Variants in CABP4 observed in about 807,000 individuals in gnomAD.
CABP4 encodes the protein calcium-binding protein 4.
In CABP4, 30 loss-of-function variants were observed where a neutral mutation model predicts 30.7. The observed-to-expected ratio is 0.98, with a 90% CI of 0.73 to 1.33. The LOEUF is 1.33. Ranked by LOEUF, CABP4 falls within the 40% of genes most tolerant of loss-of-function variation. The probability of loss-of-function intolerance (pLI) is 0.00; values close to 1 mark genes in which losing one functional copy is unlikely to be tolerated. For synonymous variants in CABP4, 161 were observed against 159.2 expected (o/e 1.01, Z -0.08); for missense variants, 424 against 395.5 (o/e 1.07, Z -0.61).
rs1232962361 is a variant in CABP4, at chr11:67,461,256, C to T, written c.*2597C>T. ...GCTGCAGTGATCGTGCCACTGCACTCCAGCCTTGGTGACAGAGCAAGAGAC... is the reference window on the plus strand; with the variant it reads ...GCTGCAGTGATCGTGCCACTGCACTTCAGCCTTGGTGACAGAGCAAGAGAC... On this transcript the variant is annotated 3_prime_UTR_variant, in exon 6 of 6. Coordinates refer to ENST00000325656, the MANE Select transcript of CABP4 (RefSeq NM_145200.5). 6.6e-6 allele frequency among the ~76,000 whole-genome samples: 1 copy of T among 152,194 alleles called. No individual in the cohort carries two copies. Among genetic ancestry groups the T allele is most frequent in the African/African-American group, 2.4e-5 (1 of 41,450 alleles).
Position 67,455,516 on chromosome 11 carries a change from T to C in CABP4, c.93T>C (p.Asp31=). 6.2e-7 allele frequency: 1 copy of C among 1,604,930 alleles called. No homozygotes were observed. The highest frequency in any genetic ancestry group is 2.2e-5 in the East Asian group (1 of 44,674). ...CGGGGGTTGTGACTCCCAAGAGTGA[T>C]GCAGAGGAGCCCCCGTTGACCAGGA... is the stretch of plus-strand genomic sequence containing the variant. ...PPAGVVTPKS[D]AEEPPLTRKR... is the part of the protein sequence containing the mutation. Residue 31 remains aspartate (D), a synonymous_variant, in exon 1 of 6, where the codon GAT becomes GAC. Coordinates refer to ENST00000325656, the MANE Select transcript of CABP4 (RefSeq NM_145200.5).
At chr11:67,457,455 C>G (rs993888580) in intron 3 of CABP4, 118 bp from the exon 4 acceptor site, 48 of 833,470 alleles carry the variant, frequency 5.8e-5, no homozygotes, top group Non-Finnish European at 8.5e-5. Flanking sequence ...GGCGTGGACA[C>G]GGGTGTTTCT....
In CABP4 at chr11:67,458,478, A is replaced by G. The variant is rs1190026114; in HGVS notation, c.759A>G (p.Arg253=). 1 of 1,613,940 alleles carries G rather than the reference A, an allele frequency of 6.2e-7. No individual in the cohort carries two copies. The highest frequency in any genetic ancestry group is 1.1e-5 in the South Asian group (1 of 91,068). The change falls in exon 5 of 6, where the codon CGA becomes CGG. Residue 253 remains arginine (R), a synonymous_variant. Transcript: ENST00000325656. ...GTCCTGAGCTGGACGAGATGCTCCG[A>G]GAAGTGGACCTCAATGGGGATGGCA... ...LAGPELDEML[R]EVDLNGDGTV...
chr11:67,452,801 G>A, upstream of CABP4: 3 of 1,166,746 alleles, frequency 2.6e-6, no homozygotes, highest in South Asian at 1.6e-5. Context: ...CCGAGTATGG[G>A]AGAGACGGTG....
chr11:67,458,978 C>A lies in CABP4; in HGVS notation c.*319C>A. ...TGGCACTGGCAGCATTCAGTGGGGA[C>A]CCCCCAGTGGCATGATGAATGGAGA... On this transcript the variant is annotated 3_prime_UTR_variant, in exon 6 of 6. Coordinates refer to ENST00000325656, the MANE Select transcript of CABP4 (RefSeq NM_145200.5). 1 of 471,316 alleles carries A rather than the reference C, an allele frequency of 2.1e-6. No homozygotes were observed. The highest frequency in any genetic ancestry group is 3.9e-6 in the Non-Finnish European group (1 of 255,844). 29.2% of individuals were successfully genotyped at this position (471,316 alleles called of 1,614,324 possible).
chr11:67,453,018 T>TTC (rs1297080618), upstream of CABP4: 1 of 74,896 alleles, frequency 1.3e-5, no homozygotes, highest in East Asian at 1.7e-4. Flanking sequence ...TTTTCTTTTC[T>TTC]TTTTTTTTTT....
intron 4 of CABP4, 104 bp downstream of exon 4, chr11:67,457,786 C>T (rs960704648): frequency 2.4e-5 from 22 of 933,294 alleles, no homozygotes; most frequent in East Asian, 7.9e-5. Context: ...GCCCTGCAGG[C>T]GGTGGGACTG....
rs1397313319 is a variant in CABP4 at position 67,461,429 on chromosome 11, G to A, written c.*2770G>A. On this transcript the variant is annotated 3_prime_UTR_variant, in exon 6 of 6. Transcript: ENST00000325656. Reference sequence around the variant, plus strand: ...CAGACTTCAACTCCCCAGATTGAAGGAACAAACTGAAGTCAGAGTAGGGTA... The same window carrying A: ...CAGACTTCAACTCCCCAGATTGAAGAAACAAACTGAAGTCAGAGTAGGGTA... Among the ~76,000 whole-genome samples the A allele has an allele frequency of 6.6e-6, 1 of 152,182 alleles. No individual in the cohort carries two copies. The highest frequency in any genetic ancestry group is 1.5e-5 in the Non-Finnish European group (1 of 68,024).
At position 67,458,938 on chromosome 11, in the gene CABP4, A is replaced by G. The variant is rs1864928185; in HGVS notation, c.*279A>G. On this transcript the variant is annotated 3_prime_UTR_variant, in exon 6 of 6. Transcript: ENST00000325656. ...ATTTGGGTCTCTCCAGACCTCTGGGAGGTAGGGAGTTCCCTGGCACTGGCA... is the reference window on the plus strand; with the variant it reads ...ATTTGGGTCTCTCCAGACCTCTGGGGGGTAGGGAGTTCCCTGGCACTGGCA... 5.6e-6 allele frequency: 3 copies of G among 538,374 alleles called. No individual in the cohort carries two copies. The highest frequency in any genetic ancestry group is 6.7e-6 in the Non-Finnish European group (2 of 297,696). The allele number at this position is 538,374 out of a possible 1,614,324, so 33.3% of individuals were successfully genotyped here. A position where few individuals can be genotyped will look rare whatever the true frequency, so the allele number is the denominator to read the frequency against.
upstream of CABP4, among the ~76,000 whole-genome samples, chr11:67,454,310 C>T (rs1003199431): frequency 2.0e-5 from 3 of 152,154 alleles, no homozygotes; most frequent in Non-Finnish European, 4.4e-5. Context: ...GAACGGATGC[C>T]CTGAAGGGCT....
chr11:67,457,486 G>T, intron 3 of CABP4, 87 bp from the exon 4 acceptor site: 1 of 1,117,550 alleles, frequency 8.9e-7, no homozygotes. Flanking sequence ...AGAGCCTGGG[G>T]GTGGGGGTGC....
chr11:67,458,705 G>C lies in CABP4; in HGVS notation c.*46G>C, dbSNP rs773852144. On this transcript the variant is annotated 3_prime_UTR_variant, in exon 6 of 6. Coordinates refer to ENST00000325656, the MANE Select transcript of CABP4 (RefSeq NM_145200.5). ...GTTGCCCCTGCGGCCCCAGACACCA[G>C]CCAGACCCAGGCTGCAGGCCTCCCC... 3.1e-6 allele frequency: 5 copies of C among 1,612,088 alleles called. No homozygotes were observed. In the South Asian group the frequency reaches 3.3e-5, roughly 11 times the overall value.
rs886048576 is a variant in CABP4 at position 67,460,748 on chromosome 11, T to C, written c.*2089T>C. Reference sequence around the variant, plus strand: ...CTGTAATCCCAGCACTTTGGGAGGCTGAGACGGGCGGGTCACAGGGTCAGG... The same window carrying C: ...CTGTAATCCCAGCACTTTGGGAGGCCGAGACGGGCGGGTCACAGGGTCAGG... On this transcript the variant is annotated 3_prime_UTR_variant, in exon 6 of 6. Transcript: ENST00000325656. Among the ~76,000 whole-genome samples, 5 of 151,826 alleles carry C rather than the reference T, an allele frequency of 3.3e-5. No individual in the cohort carries two copies. Among genetic ancestry groups the C allele is most frequent in the Non-Finnish European group, 5.9e-5 (4 of 67,956 alleles).
chr11:67,455,963 T>C, intron 1 of CABP4, 174 bp downstream of exon 1: 1 of 1,144,448 alleles, frequency 8.7e-7, no homozygotes, highest in Non-Finnish European at 1.2e-6. Context: ...CGGGCCAGCG[T>C]GGGCGGTGGG....
chr11:67,458,232 C>T (rs1864890758), intron 4 of CABP4, 139 bp from the exon 5 acceptor site: 1 of 671,080 alleles, frequency 1.5e-6, no homozygotes, highest in South Asian at 7.4e-5. Context: ...GCACTCCAGC[C>T]TGGTGACAGA....
At position 67,459,256 on chromosome 11, in the gene CABP4, A is replaced by G. The variant is rs970566236; in HGVS notation, c.*597A>G. The G allele has an allele frequency of 6.4e-6, 1 of 155,570 alleles. No homozygotes were observed. Among genetic ancestry groups the G allele is most frequent in the Admixed American group, 6.2e-5 (1 of 16,018 alleles). The allele number at this position is 155,570 out of a possible 1,614,324, so 9.6% of individuals were successfully genotyped here. On this transcript the variant is annotated 3_prime_UTR_variant, in exon 6 of 6. Coordinates refer to ENST00000325656, the MANE Select transcript of CABP4 (RefSeq NM_145200.5). ...CAAGTGTAAAAAAAGTGAGCTTGAA[A>G]GAAAGAAAGGGATGGCTCCATGTAT...
At chr11:67,454,635 G>A (rs1207199451), upstream of CABP4, among the ~76,000 whole-genome samples, 1 of 152,216 alleles carries the variant, frequency 6.6e-6, no homozygotes, top group Non-Finnish European at 1.5e-5. Flanking sequence ...CCCAAGCTGA[G>A]AGGACATCAA....
upstream of CABP4, chr11:67,452,456 T>C (rs1864595287): frequency 6.2e-7 from 1 of 1,612,212 alleles, no homozygotes; most frequent in East Asian, 2.2e-5. Context: ...ATGCCGGATC[T>C]CTAGGATCTG....
In CABP4 at chr11:67,455,772, A is replaced by G. The variant is rs563320221; in HGVS notation, c.349A>G (p.Asn117Asp). 5.7e-6 allele frequency: 9 copies of G among 1,581,600 alleles called. No individual in the cohort carries two copies. Among genetic ancestry groups the G allele is most frequent in the Admixed American group, 1.8e-5 (1 of 54,718 alleles). The change falls in exon 1 of 6, where the codon AAT becomes GAT. Residue 117 changes from asparagine (N) to aspartate (D), a missense_variant. Asn to Asp is a conservative substitution (Grantham distance 23). Transcript: ENST00000325656. ...TCAGAGGACATACGGGCCCCTGCTC[A>G]ATCGAGTCTTCGGGAAGGTTAGGTG... ...AAQRTYGPLL[N>D]RVFGKDRELG...
Sources: allele counts gnomAD v4.1 joint callset (sites outside exome capture counted in the v4.1 genomes callset), GRCh38; gene constraint gnomAD v4.1.1; transcripts MANE v1.5; gene names NCBI Gene and HGNC (gene_info 2026-07-23, HGNC 2026-07-21).